The following ARMC9 variants were observed in gnomAD, a reference collection of about 807,000 sequenced individuals.
ARMC9 encodes lisH domain-containing protein ARMC9.
ARMC9 carries 94 observed loss-of-function variants against 107.0 expected under a neutral mutation model. That is an observed-to-expected ratio of 0.88 (90% CI 0.74 to 1.04). The LOEUF (loss-of-function observed/expected upper bound fraction) is 1.04. Ranked by LOEUF, ARMC9 falls within the 50% of genes least tolerant of loss-of-function variation. ARMC9 has a pLI of 0.00. For missense variants in ARMC9, 942 were observed against 1,030.1 expected (o/e 0.91, Z 1.17); for synonymous variants, 380 against 396.9 (o/e 0.96, Z 0.51).
chr2:231,256,147 C>T lies in ARMC9; in HGVS notation c.880-439C>T, dbSNP rs1574824300. 8 of 1,541,978 alleles carry T rather than the reference C, an allele frequency of 5.2e-6. No individual in the cohort carries two copies. In the East Asian group the frequency reaches 1.7e-4, roughly 33 times the overall value. ...TCAAGCTGGCCAGGGTCACCAAGGTCCTGGGCAGGACCGGCTCTCAGGGAC... is the reference window on the plus strand; with the variant it reads ...TCAAGCTGGCCAGGGTCACCAAGGTTCTGGGCAGGACCGGCTCTCAGGGAC... On this transcript the variant is annotated intron_variant, in intron 9 of 24. Coordinates refer to ENST00000611582, the MANE Select transcript of ARMC9 (RefSeq NM_001352754.2).
At chr2:231,320,579 G>A (rs901407738) in intron 19 of ARMC9, among the ~76,000 whole-genome samples, 7 of 151,186 alleles carry the variant, frequency 4.6e-5, no homozygotes, top group Middle Eastern at 3.4e-3. Flanking sequence ...AAAAAAGATA[G>A]TGTCCTTTCC....
chr2:231,268,874 C>G (rs144213726), intron 12 of ARMC9, among the ~76,000 whole-genome samples: 2 of 151,716 alleles, frequency 1.3e-5, no homozygotes, highest in African/African-American at 4.8e-5. Flanking sequence ...GCAGCCTGAG[C>G]AACATAGACC....
At chr2:231,322,654 G>A (rs1300366276) in intron 19 of ARMC9, among the ~76,000 whole-genome samples, 2 of 152,156 alleles carry the variant, frequency 1.3e-5, no homozygotes, top group Non-Finnish European at 2.9e-5. Flanking sequence ...AGCTGCCATG[G>A]GGAAGCTTCG....
chr2:231,357,417 A>G (rs752452551), intron 22 of ARMC9, among the ~76,000 whole-genome samples: 2 of 151,930 alleles, frequency 1.3e-5, no homozygotes, highest in Non-Finnish European at 2.9e-5. Flanking sequence ...GCCTGCTCCT[A>G]TTGGCTCAGC....
intron 16 of ARMC9, among the ~76,000 whole-genome samples, chr2:231,280,913 C>A (rs1041844915): frequency 1.3e-5 from 2 of 152,104 alleles, no homozygotes; most frequent in African/African-American, 4.8e-5. Flanking sequence ...ATAAAAACAA[C>A]CGTAGGATGC....
intron 9 of ARMC9, among the ~76,000 whole-genome samples, chr2:231,243,436 A>G (rs1337774322): frequency 1.3e-5 from 2 of 152,062 alleles, no homozygotes; most frequent in Admixed American, 6.6e-5. Context: ...AACTGATGAC[A>G]TGTTATTAAG....
intron 22 of ARMC9, among the ~76,000 whole-genome samples, chr2:231,359,908 A>G (rs77682985): frequency 0.033 from 4,976 of 152,264 alleles, 105 homozygotes; most frequent in Non-Finnish European, 0.047. Context: ...CTTTATATTT[A>G]AGATTAAACA....
chr2:231,287,916 G>A lies in ARMC9; in HGVS notation c.1627-3437G>A, dbSNP rs898268111. Among the ~76,000 whole-genome samples the A allele has an allele frequency of 2.0e-5, 3 of 152,280 alleles. No individual in the cohort carries two copies. In the East Asian group the frequency reaches 5.8e-4, roughly 29 times the overall value. ...AAACAATGACAAGACCTAACATGAG[G>A]GAGTGACTAAGAACAGAGGCCGGAA... On this transcript the variant is annotated intron_variant, in intron 17 of 24. Transcript: ENST00000611582.
Position 231,262,320 on chromosome 2 carries a change from C to G in ARMC9, c.1041C>G (p.Ser347=). ...CTTTGCTCCAGCGCTTGACCACATCCCATCCTGGAGAGCAGAGGGAGACCG... is the reference window on the plus strand; with the variant it reads ...CTTTGCTCCAGCGCTTGACCACATCGCATCCTGGAGAGCAGAGGGAGACCG... ...LQALRWRLTT[S]HPGEQRETVL... The change falls in exon 12 of 25, where the codon TCC becomes TCG. Residue 347 remains serine, a synonymous_variant. Transcript: ENST00000611582. 1 of 1,614,170 alleles carries G rather than the reference C, an allele frequency of 6.2e-7. No homozygotes were observed. Among genetic ancestry groups the G allele is most frequent in the Non-Finnish European group, 8.5e-7 (1 of 1,180,034 alleles).
Position 231,370,055 on chromosome 2 carries a change from G to A in ARMC9, c.2364G>A (p.Leu788=). 2 of 1,535,514 alleles carry A rather than the reference G, an allele frequency of 1.3e-6. No homozygotes were observed. Among genetic ancestry groups the A allele is most frequent in the Non-Finnish European group, 1.7e-6 (2 of 1,146,570 alleles). The change falls in exon 24 of 25, where the codon CTG becomes CTA. Residue 788 remains leucine, a synonymous_variant. Transcript: ENST00000611582. ...PKAKASVLAP[L]FSSCGPQQAS... ...CAAAGGCGTCAGTTCTGGCCCCTCT[G>A]TTCTCTTCGTGTGGCCCCCAGCAGG...
In ARMC9 at chr2:231,373,193, A is replaced by T. The variant is rs1394242338; in HGVS notation, c.*1658A>T. The stretch of plus-strand genomic sequence containing the variant: ...CCGGAGGCATTGGGAGCAAACACAA[A>T]GCTCGCCCCTGGTGTCAGTGGTGCA... On this transcript the variant is annotated 3_prime_UTR_variant, in exon 25 of 25. Transcript: ENST00000611582. This position sits in a 1 kb window ranked among gnomAD's most constrained non-coding sequence, Gnocchi z 4.4. The T allele has an allele frequency of 2.0e-5, 3 of 152,192 alleles. No homozygotes were observed. Among genetic ancestry groups the T allele is most frequent in the Non-Finnish European group, 2.9e-5 (2 of 68,048 alleles). The allele number at this position is 152,192 out of a possible 1,614,324, so 9.4% of individuals were successfully genotyped here. A position where few individuals can be genotyped will look rare whatever the true frequency, so the allele number is the denominator to read the frequency against.
intron 17 of ARMC9, among the ~76,000 whole-genome samples, chr2:231,283,015 A>G (rs775193613): frequency 2.0e-5 from 3 of 152,192 alleles, no homozygotes; most frequent in Non-Finnish European, 2.9e-5. Flanking sequence ...ACATTCAGTC[A>G]AAGTGTGAGA....
chr2:231,249,318 CAGG>C (rs2037071419), intron 9 of ARMC9, among the ~76,000 whole-genome samples: 1 of 152,188 alleles, frequency 6.6e-6, no homozygotes, highest in South Asian at 2.1e-4. Flanking sequence ...CAGCAGTACA[CAGG>C]AGACTCCCGA....
chr2:231,201,009 TG>T (rs1157752627), intron 1 of ARMC9, among the ~76,000 whole-genome samples: 1 of 152,022 alleles, frequency 6.6e-6, no homozygotes, highest in East Asian at 1.9e-4. Context: ...GCTTGTTGCA[TG>T]GGGGAATGGC....
At chr2:231,316,107 C>T (rs749972948) in intron 19 of ARMC9, among the ~76,000 whole-genome samples, 12 of 151,820 alleles carry the variant, frequency 7.9e-5, no homozygotes, top group Admixed American at 6.6e-4. Flanking sequence ...TTATTATCAA[C>T]CCGGTGCTAT....
At chr2:231,225,682 A>T (rs2034572437) in intron 6 of ARMC9, among the ~76,000 whole-genome samples, 1 of 152,210 alleles carries the variant, frequency 6.6e-6, no homozygotes, top group African/African-American at 2.4e-5. Context: ...ATCTGGAGAG[A>T]CAGAAAGTAT....
chr2:231,201,227 C>T (rs1187280102), intron 1 of ARMC9, among the ~76,000 whole-genome samples: 1 of 152,136 alleles, frequency 6.6e-6, no homozygotes, highest in South Asian at 2.1e-4. Flanking sequence ...CCTCCCTGCT[C>T]CTCATTACTG....
chr2:231,323,093 G>A (rs2043089540), intron 19 of ARMC9, among the ~76,000 whole-genome samples: 1 of 152,118 alleles, frequency 6.6e-6, no homozygotes, highest in South Asian at 2.1e-4. Flanking sequence ...GGAGGCTAAG[G>A]TGGGAGGAAT....
chr2:231,294,196 G>A (rs1399246915), intron 18 of ARMC9: 1 of 152,250 alleles, frequency 6.6e-6, no homozygotes, highest in Non-Finnish European at 1.5e-5. Context: ...AGGTGGGGAA[G>A]GACTATTCTG....
Sources: allele counts gnomAD v4.1 joint callset (sites outside exome capture counted in the v4.1 genomes callset), GRCh38; gene constraint gnomAD v4.1.1; non-coding constraint Gnocchi (gnomAD v3.1); transcripts MANE v1.5; gene names NCBI Gene and HGNC (gene_info 2026-07-23, HGNC 2026-07-21).